Variants in INTS15 observed in about 807,000 individuals in gnomAD.
The protein encoded by INTS15 is integrator complex subunit 15.
At chr7:6,591,719 C>A in the INTS15 span, 1 of 1,614,168 alleles carries the variant, frequency 6.2e-7, no homozygotes. Context: ...ACCAAGGACT[C>A]TGTTCGGCAG....
chr7:6,597,387 C>G, the INTS15 span, among the ~76,000 whole-genome samples: 1 of 150,968 alleles, frequency 6.6e-6, no homozygotes, highest in South Asian at 2.1e-4. Context: ...CTCCATGTCC[C>G]AGGTTTAAGC....
At chr7:6,608,457 G>A in the INTS15 span, 1 of 1,277,824 alleles carries the variant, frequency 7.8e-7, no homozygotes, top group Non-Finnish European at 9.9e-7. Context: ...CAGCCTGTGT[G>A]GCGAGGAGTG....
the INTS15 span, chr7:6,607,765 C>A: frequency 6.7e-7 from 1 of 1,485,630 alleles, no homozygotes; most frequent in Non-Finnish European, 8.9e-7. The surrounding 1 kb of genome is among the most constrained non-coding windows in gnomAD (Gnocchi z 6.0). Context: ...GCAGAGCCCA[C>A]TCCCACGCAT....
chr7:6,602,691 T>G, the INTS15 span: 1 of 471,244 alleles, frequency 2.1e-6, no homozygotes, highest in South Asian at 1.5e-5. Flanking sequence ...GACCCAGTGG[T>G]GTTTGTGAAT....
chr7:6,593,971 G>A, the INTS15 span, among the ~76,000 whole-genome samples: 1 of 138,154 alleles, frequency 7.2e-6, no homozygotes, highest in Non-Finnish European at 1.5e-5. Context: ...GCTTCAGATT[G>A]CCCACCCCTG....
At chr7:6,608,101 C>T in the INTS15 span, 1 of 1,572,594 alleles carries the variant, frequency 6.4e-7, no homozygotes, top group Non-Finnish European at 8.6e-7. Context: ...CCGCCCTGCC[C>T]ACGCATCCCG....
the INTS15 span, chr7:6,594,489 T>C: frequency 6.2e-7 from 1 of 1,614,176 alleles, no homozygotes; most frequent in Non-Finnish European, 8.5e-7. Context: ...AGATGACTAC[T>C]GCTGTTTGGT....
the INTS15 span, among the ~76,000 whole-genome samples, chr7:6,598,342 G>A: frequency 6.6e-6 from 1 of 152,022 alleles, no homozygotes; most frequent in Admixed American, 6.6e-5. Flanking sequence ...GGTGGCAGGC[G>A]CCTATAGTCC....
At chr7:6,596,851 C>T in the INTS15 span, among the ~76,000 whole-genome samples, 7 of 152,082 alleles carry the variant, frequency 4.6e-5, no homozygotes, top group Middle Eastern at 3.2e-3. Flanking sequence ...GGTGCGATCT[C>T]GACTCAACTG....
At chr7:6,592,010 A>C in the INTS15 span, 1 of 663,732 alleles carries the variant, frequency 1.5e-6, no homozygotes. Flanking sequence ...TGTCTCTACT[A>C]AAAATACAAA....
the INTS15 span, among the ~76,000 whole-genome samples, chr7:6,600,931 C>T: frequency 2.0e-5 from 3 of 151,948 alleles, no homozygotes; most frequent in Non-Finnish European, 4.4e-5. Flanking sequence ...GCCACCGTGC[C>T]GTTTCTTTTT....
chr7:6,593,539 T>A, the INTS15 span, among the ~76,000 whole-genome samples: 1 of 151,922 alleles, frequency 6.6e-6, no homozygotes, highest in Non-Finnish European at 1.5e-5. Context: ...TTTCACTGTG[T>A]TAGCCAGGAT....
chr7:6,594,568 C>A, the INTS15 span: 1 of 1,614,130 alleles, frequency 6.2e-7, no homozygotes, highest in Non-Finnish European at 8.5e-7. Flanking sequence ...CAGTTCATCA[C>A]CTCCGTTACC....
the INTS15 span, among the ~76,000 whole-genome samples, chr7:6,606,695 CTT>C: frequency 0.38 from 52,910 of 137,786 alleles, 10,919 homozygotes; most frequent in Non-Finnish European, 0.49. Context: ...CCCAGAGGGC[CTT>C]TTTTTTTTTT....
At chr7:6,592,216 T>C in the INTS15 span, among the ~76,000 whole-genome samples, 1 of 151,748 alleles carries the variant, frequency 6.6e-6, no homozygotes, top group African/African-American at 2.4e-5. Flanking sequence ...ATGATTTTGC[T>C]GTTCGGAATT....
the INTS15 span, chr7:6,600,074 G>A: frequency 1.6e-4 from 262 of 1,614,096 alleles, no homozygotes; most frequent in Non-Finnish European, 2.2e-4. Context: ...AAAGGACCCG[G>A]GCGTGGGGAT....
chr7:6,607,516 C>T, the INTS15 span: 2 of 1,307,836 alleles, frequency 1.5e-6, no homozygotes, highest in Admixed American at 2.3e-5. The surrounding 1 kb of genome is among the most constrained non-coding windows in gnomAD (Gnocchi z 6.0). Context: ...GGGGCCGCAC[C>T]GGACTCATTC....
the INTS15 span, among the ~76,000 whole-genome samples, chr7:6,595,855 C>G: frequency 6.6e-6 from 1 of 152,058 alleles, no homozygotes; most frequent in Non-Finnish European, 1.5e-5. Context: ...GCTGACAAAA[C>G]CTGCTTTTCT....
At chr7:6,600,205 C>A in the INTS15 span, 1 of 1,614,180 alleles carries the variant, frequency 6.2e-7, no homozygotes, top group East Asian at 2.2e-5. Flanking sequence ...TGATCCTCTT[C>A]GACCACATGG....
Sources: gnomAD v4.1 joint callset for allele counts (sites outside exome capture counted in the v4.1 genomes callset) on GRCh38, gnomAD v4.1.1 for gene constraint, Gnocchi (gnomAD v3.1) non-coding constraint, MANE v1.5 for transcripts, NCBI Gene and HGNC (gene_info 2026-07-23, HGNC 2026-07-21) for gene names.